Variants in SIRT5 observed in about 807,000 individuals in gnomAD.
The protein encoded by SIRT5 is sirtuin 5, also known as NAD-dependent protein deacylase sirtuin-5, mitochondrial.
Under a neutral mutation model 40.0 loss-of-function variants are expected in SIRT5, and 26 were observed. The observed-to-expected ratio is 0.65, with a 90% confidence interval of 0.48 to 0.90. SIRT5 has a LOEUF of 0.90. Among genes scored for constraint, SIRT5 ranks in the 40% least tolerant of loss-of-function variants. The pLI is 0.00. For synonymous variants in SIRT5, 146 were observed against 149.1 expected (o/e 0.98, Z 0.15); for missense variants, 401 against 402.4 (o/e 1.00, Z 0.03).
chr6:13,611,230 TATATATACACACAC>T (rs1562284261), intron 9 of SIRT5, among the ~76,000 whole-genome samples: 21 of 131,804 alleles, frequency 1.6e-4, no homozygotes, highest in African/African-American at 6.5e-4. Flanking sequence ...TATATATATA[TATATATACACACAC>T]ACATACACAC....
intron 9 of SIRT5, among the ~76,000 whole-genome samples, chr6:13,604,143 C>T (rs747388345): frequency 1.3e-5 from 2 of 152,198 alleles, no homozygotes; most frequent in African/African-American, 2.4e-5. Flanking sequence ...TCTGTGAATA[C>T]ACTAAAAGCC....
At chr6:13,591,534 A>G in intron 4 of SIRT5, 135 bp from the exon 5 acceptor site, 1 of 691,418 alleles carries the variant, frequency 1.4e-6, no homozygotes, top group Non-Finnish European at 2.4e-6. Context: ...TTGTTTGAAC[A>G]TAGTGCTGCC....
At position 13,591,649 on chromosome 6, in the gene SIRT5, G is replaced by A. The variant is rs757981592; in HGVS notation, c.250-20G>A. 12 of 1,509,008 alleles carry A rather than the reference G, an allele frequency of 8.0e-6. No individual in the cohort carries two copies. In the African/African-American group the frequency reaches 1.7e-4, roughly 21 times the overall value. The allele number at this position is 1,509,008 out of a possible 1,614,324, so 93.5% of individuals were successfully genotyped here. A position where few individuals can be genotyped will look rare whatever the true frequency, so the allele number is the denominator to read the frequency against. ...GGCTGTCTCTGCCTCCCTCACTCCTGCCTCCTCTCCCACTCCCAGGACCTG... is the reference window on the plus strand; with the variant it reads ...GGCTGTCTCTGCCTCCCTCACTCCTACCTCCTCTCCCACTCCCAGGACCTG... On this transcript the variant is annotated intron_variant, in intron 4 of 9. Coordinates refer to ENST00000606117, the MANE Select transcript of SIRT5 (RefSeq NM_012241.5).
chr6:13,583,946 G>A (rs1318071171), intron 2 of SIRT5, 130 bp from the exon 3 acceptor site: 15 of 404,700 alleles, frequency 3.7e-5, no homozygotes, highest in African/African-American at 1.0e-4. Context: ...GTATGTGTGC[G>A]TGTGGGTATA....
intron 1 of SIRT5, among the ~76,000 whole-genome samples, chr6:13,578,616 C>CAAAAA (rs60663066): frequency 2.5e-4 from 9 of 36,726 alleles, no homozygotes; most frequent in East Asian, 7.1e-4. Flanking sequence ...GACTCCATCT[C>CAAAAA]AAAAAAAAAA....
At chr6:13,588,596 T>C in intron 4 of SIRT5, 132 bp downstream of exon 4, 2 of 1,165,362 alleles carry the variant, frequency 1.7e-6, no homozygotes, top group Non-Finnish European at 2.3e-6. Flanking sequence ...TATTGTCTCA[T>C]TGATTTTGGC....
intron 3 of SIRT5, 146 bp from the exon 4 acceptor site, chr6:13,588,185 G>T: frequency 1.0e-6 from 1 of 997,832 alleles, no homozygotes; most frequent in Non-Finnish European, 1.4e-6. Flanking sequence ...GTCACATGGG[G>T]ATGGTGTTTT....
chr6:13,591,332 G>A (rs1422071950), intron 4 of SIRT5, among the ~76,000 whole-genome samples: 2 of 152,218 alleles, frequency 1.3e-5, no homozygotes, highest in African/African-American at 2.4e-5. Flanking sequence ...CATGAAAAAG[G>A]GGATTCGACC....
chr6:13,609,578 C>T (rs994253296), intron 9 of SIRT5, among the ~76,000 whole-genome samples: 2 of 152,154 alleles, frequency 1.3e-5, no homozygotes, highest in Admixed American at 6.5e-5. Flanking sequence ...AAGCTCTGCA[C>T]CTGGGTTGGA....
chr6:13,597,433 TAA>T (rs60503838), intron 7 of SIRT5, among the ~76,000 whole-genome samples: 46 of 102,344 alleles, frequency 4.5e-4, no homozygotes, highest in Admixed American at 5.3e-4. Context: ...GTTCATAGAT[TAA>T]AAAAAAAAAA....
At position 13,595,659 on chromosome 6, in the gene SIRT5, T is replaced by A; in HGVS notation, c.563+95T>A. 8 of 970,650 alleles carry A rather than the reference T, an allele frequency of 8.2e-6. No homozygotes were observed. The South Asian group carries it at 1.1e-4, about 13-fold the overall frequency. 60.1% of individuals were successfully genotyped at this position (970,650 alleles called of 1,614,324 possible). A position where few individuals can be genotyped will look rare whatever the true frequency, so the allele number is the denominator to read the frequency against. ...ATTGAACATTCATCAAAGATTCCCA[T>A]GGATATTTATGAGAAATAAGACTAA... On this transcript the variant is annotated intron_variant, in intron 6 of 9. Coordinates refer to ENST00000606117, the MANE Select transcript of SIRT5 (RefSeq NM_012241.5).
chr6:13,586,545 G>A (rs1239182948), intron 3 of SIRT5, among the ~76,000 whole-genome samples: 3 of 152,164 alleles, frequency 2.0e-5, no homozygotes, highest in South Asian at 2.1e-4. Flanking sequence ...AGATCAGATG[G>A]TTGTAGATGT....
At chr6:13,574,598 T>A (rs200390421), upstream of SIRT5, 15 of 152,206 alleles carry the variant, frequency 9.9e-5, no homozygotes, top group African/African-American at 3.6e-4. Flanking sequence ...CGTGGGAGAC[T>A]GTATTCGGGG....
At chr6:13,611,493 A>G (rs977684194) in intron 9 of SIRT5, among the ~76,000 whole-genome samples, 1 of 151,984 alleles carries the variant, frequency 6.6e-6, no homozygotes, top group African/African-American at 2.4e-5. Flanking sequence ...AACAGAATAC[A>G]CTTTGTAATC....
intron 1 of SIRT5, among the ~76,000 whole-genome samples, chr6:13,575,118 G>C (rs3799932): frequency 2.5e-3 from 387 of 152,306 alleles, no homozygotes; most frequent in African/African-American, 5.6e-3. Context: ...CAGTGCTTCG[G>C]GGGGAGGCGG....
chr6:13,612,763 G>GA lies in SIRT5; in HGVS notation c.*901dup, dbSNP rs1764055159. ...ACAAGGTAGAACATCACGATGAGAA[G>GA]AAAGAATGATGCAAATATGTGGACC... On this transcript the variant is annotated 3_prime_UTR_variant, in exon 10 of 10. Coordinates refer to ENST00000606117, the MANE Select transcript of SIRT5 (RefSeq NM_012241.5). 6.6e-6 allele frequency: 1 copy of GA among 152,252 alleles called. No homozygotes were observed. The highest frequency in any genetic ancestry group is 6.5e-5 in the Admixed American group (1 of 15,280). 9.4% of individuals were successfully genotyped at this position (152,252 alleles called of 1,614,324 possible).
chr6:13,586,962 T>C (rs1413564394), intron 3 of SIRT5, among the ~76,000 whole-genome samples: 1 of 152,216 alleles, frequency 6.6e-6, no homozygotes, highest in Non-Finnish European at 1.5e-5. Flanking sequence ...TTCCTGCCTG[T>C]CCCTGGTTCC....
In SIRT5 at chr6:13,593,213, A is replaced by G. The variant is rs148894953; in HGVS notation, c.475+1319A>G. ...AGGCTTGAGCCACTGTGCCAGCCAA[A>G]AATGCATTTCTAAGTGTAGCATTTC... On this transcript the variant is annotated intron_variant, in intron 5 of 9. Coordinates refer to ENST00000606117, the MANE Select transcript of SIRT5 (RefSeq NM_012241.5). Among the ~76,000 whole-genome samples, 507 of 152,292 alleles carry G rather than the reference A, an allele frequency of 3.3e-3. 4 individuals carry two copies. The highest frequency in any genetic ancestry group is 0.012 in the African/African-American group (478 of 41,564).
chr6:13,600,695 CCT>C (rs1247034255), intron 8 of SIRT5, 137 bp from the exon 9 acceptor site: 3 of 585,436 alleles, frequency 5.1e-6, no homozygotes, highest in Admixed American at 3.3e-5. Context: ...CCTTGGACAC[CCT>C]GTTTTATCCC....
Sources: allele counts gnomAD v4.1 joint callset (sites outside exome capture counted in the v4.1 genomes callset), GRCh38; gene constraint gnomAD v4.1.1; transcripts MANE v1.5; gene names NCBI Gene and HGNC (gene_info 2026-07-23, HGNC 2026-07-21).